The following EML4 variants were observed in gnomAD, a reference collection of about 807,000 sequenced individuals.
The protein encoded by EML4 is echinoderm microtubule-associated protein-like 4.
Under a neutral mutation model 129.0 loss-of-function variants are expected in EML4, and 72 were observed. The ratio of observed to expected loss-of-function variants is 0.56; its 90% CI spans 0.46 to 0.68. The LOEUF (loss-of-function observed/expected upper bound fraction) is 0.68. Among genes scored for constraint, EML4 ranks in the 30% least tolerant of loss-of-function variants. EML4 has a pLI of 0.00. For synonymous variants in EML4, 532 were observed against 405.0 expected, an observed-to-expected ratio of 1.31 and a Z score of -3.77; for missense variants, 1,363 against 1,190.6, an observed-to-expected ratio of 1.14 and a Z score of -2.13.
chr2:42,252,243 G>T (rs1379944460), intron 2 of EML4, among the ~76,000 whole-genome samples: 1 of 152,144 alleles, frequency 6.6e-6, no homozygotes, highest in African/African-American at 2.4e-5. Flanking sequence ...TGTCAGTAAG[G>T]TCGTCTACTT....
chr2:42,243,610 A>C (rs1675179465), intron 1 of EML4, among the ~76,000 whole-genome samples: 1 of 152,226 alleles, frequency 6.6e-6, no homozygotes, highest in Admixed American at 6.5e-5. Context: ...CCAGAATTTG[A>C]AGTCTAGATT....
At chr2:42,306,558 T>C (rs1258500371) in intron 17 of EML4, among the ~76,000 whole-genome samples, 1 of 143,492 alleles carries the variant, frequency 7.0e-6, no homozygotes, top group Admixed American at 7.3e-5. Flanking sequence ...AATGGCATGA[T>C]CTTGGCTCAC....
chr2:42,174,592 C>T (rs992722937), intron 1 of EML4, among the ~76,000 whole-genome samples: 3 of 152,104 alleles, frequency 2.0e-5, no homozygotes, highest in South Asian at 2.1e-4. Flanking sequence ...TGTGCCTGAC[C>T]CTGTAGTATA....
rs1670122988 is a variant in EML4, at chr2:42,169,520, G to C, written c.-92G>C. ...AGCCGAGCCGGGCGACCTAGAGAAC[G>C]AGCGGGTCAGGCTCAGCGTCGGCCA... On this transcript the variant is annotated 5_prime_UTR_variant, in exon 1 of 23. Transcript: ENST00000318522. 27 of 1,439,484 alleles carry C rather than the reference G, an allele frequency of 1.9e-5. No individual in the cohort carries two copies. Among genetic ancestry groups the C allele is most frequent in the Non-Finnish European group, 6.5e-6 (7 of 1,078,138 alleles). The allele number at this position is 1,439,484 out of a possible 1,614,324, so 89.2% of individuals were successfully genotyped here. A position where few individuals can be genotyped will look rare whatever the true frequency, so the allele number is the denominator to read the frequency against.
At chr2:42,232,254 G>T (rs756291356) in intron 1 of EML4, among the ~76,000 whole-genome samples, 9 of 152,074 alleles carry the variant, frequency 5.9e-5, no homozygotes, top group Non-Finnish European at 1.3e-4. Context: ...GTGGGAGGTG[G>T]TGGGAAAAAA....
intron 14 of EML4, among the ~76,000 whole-genome samples, chr2:42,302,417 C>T (rs923332344): frequency 1.3e-5 from 2 of 151,962 alleles, no homozygotes; most frequent in Non-Finnish European, 2.9e-5. Context: ...CCTTATATTA[C>T]AGAAAATGTT....
chr2:42,295,996 A>T (rs952112083), intron 13 of EML4, among the ~76,000 whole-genome samples: 2 of 152,142 alleles, frequency 1.3e-5, no homozygotes, highest in Non-Finnish European at 1.5e-5. Context: ...CTTTACCTCA[A>T]ATCAGTTTTC....
intron 1 of EML4, among the ~76,000 whole-genome samples, chr2:42,179,263 GTTTT>G (rs11396677): frequency 1.4e-5 from 2 of 142,822 alleles, no homozygotes; most frequent in African/African-American, 5.1e-5. Flanking sequence ...GGGGAGCTGG[GTTTT>G]TTTTTTTTTT....
At chr2:42,290,837 A>G (rs1453236024) in intron 11 of EML4, among the ~76,000 whole-genome samples, 3 of 152,220 alleles carry the variant, frequency 2.0e-5, no homozygotes, top group Non-Finnish European at 4.4e-5. Flanking sequence ...AATCATGGAT[A>G]GGAGACGATG....
chr2:42,226,869 A>G (rs1382031929), intron 1 of EML4, among the ~76,000 whole-genome samples: 2 of 152,118 alleles, frequency 1.3e-5, no homozygotes, highest in East Asian at 3.8e-4. Flanking sequence ...TTACTTGTCA[A>G]TTAAAAAGTA....
At chr2:42,288,168 T>A in intron 10 of EML4, 59 bp from the exon 11 acceptor site, 1 of 706,962 alleles carries the variant, frequency 1.4e-6, no homozygotes, top group Non-Finnish European at 2.4e-6. Context: ...GGTATTTCTT[T>A]CTTAGAATGT....
At chr2:42,304,363 C>G (rs777057179) in intron 16 of EML4, 121 bp from the exon 17 acceptor site, 1 of 719,560 alleles carries the variant, frequency 1.4e-6, no homozygotes, top group East Asian at 2.5e-5. Context: ...TTCTCATTAG[C>G]TACAAAGTTG....
At chr2:42,255,941 A>G (rs1460729307) in intron 2 of EML4, among the ~76,000 whole-genome samples, 1 of 152,254 alleles carries the variant, frequency 6.6e-6, no homozygotes, top group Non-Finnish European at 1.5e-5. Context: ...GACTCTTAGT[A>G]TAGATAGGAC....
chr2:42,259,718 CTTTCTTTTTTT>C (rs1401958158), intron 3 of EML4, among the ~76,000 whole-genome samples: 71 of 106,930 alleles, frequency 6.6e-4, no homozygotes, highest in African/African-American at 2.4e-3. Context: ...TTGTTTCTTT[CTTTCTTTTTTT>C]TTTTTTTTTT....
At chr2:42,301,948 C>A (rs1668309023) in intron 14 of EML4, among the ~76,000 whole-genome samples, 1 of 152,026 alleles carries the variant, frequency 6.6e-6, no homozygotes. Context: ...TTTCCCATTT[C>A]TAATGTAAAT....
At position 42,225,130 on chromosome 2, in the gene EML4, G is replaced by A. The variant is rs917448134; in HGVS notation, c.26-20375G>A. On this transcript the variant is annotated intron_variant, in intron 1 of 22. Transcript: ENST00000318522. Reference sequence around the variant, plus strand: ...GAATAATATTCCATTTTATGTATATGCCACATTTTGTTTATCCATTCATGT... The same window carrying A: ...GAATAATATTCCATTTTATGTATATACCACATTTTGTTTATCCATTCATGT... 3.9e-5 allele frequency among the ~76,000 whole-genome samples: 6 copies of A among 152,198 alleles called. No individual in the cohort carries two copies. In the South Asian group the frequency reaches 1.2e-3, roughly 32 times the overall value.
At chr2:42,171,381 G>A (rs1290551800) in intron 1 of EML4, among the ~76,000 whole-genome samples, 1 of 152,180 alleles carries the variant, frequency 6.6e-6, no homozygotes, top group Non-Finnish European at 1.5e-5. Context: ...AAGATTTCTG[G>A]AGGGCTTGTT....
intron 7 of EML4, among the ~76,000 whole-genome samples, chr2:42,281,764 A>G (rs1475024346): frequency 6.6e-6 from 1 of 152,220 alleles, no homozygotes; most frequent in Non-Finnish European, 1.5e-5. Context: ...TGACTGTTAA[A>G]GGAGAGCTTT....
At chr2:42,247,927 A>T (rs1243601159) in intron 2 of EML4, among the ~76,000 whole-genome samples, 1 of 152,166 alleles carries the variant, frequency 6.6e-6, no homozygotes, top group East Asian at 1.9e-4. Context: ...AAAACCTATA[A>T]TAGAAAATGA....
Sources: allele counts gnomAD v4.1 joint callset (sites outside exome capture counted in the v4.1 genomes callset), GRCh38; gene constraint gnomAD v4.1.1; transcripts MANE v1.5; gene names NCBI Gene and HGNC (gene_info 2026-07-23, HGNC 2026-07-21).